The following ZNF549 variants were observed in gnomAD, a reference collection of about 807,000 sequenced individuals.
ZNF549 encodes the protein zinc finger protein 549.
ZNF549 carries 11 observed loss-of-function variants against 11.1 expected under a neutral mutation model. That is an observed-to-expected ratio of 0.99 (90% confidence interval 0.62 to 1.64). ZNF549 has a LOEUF of 1.64. ZNF549 is among the 40% of genes most tolerant of loss of function. The pLI is 0.00. For missense variants in ZNF549, 748 were observed against 765.1 expected, an observed-to-expected ratio of 0.98 and a Z score of 0.26; for synonymous variants, 266 against 269.1, an observed-to-expected ratio of 0.99 and a Z score of 0.11.
chr19:57,532,745 CA>C (rs1046246470), intron 2 of ZNF549, among the ~76,000 whole-genome samples: 1 of 152,078 alleles, frequency 6.6e-6, no homozygotes, highest in African/African-American at 2.4e-5. Context: ...TGATTATGTC[CA>C]GTTGATTGAT....
At chr19:57,528,884 T>G (rs1420081247) in intron 1 of ZNF549, among the ~76,000 whole-genome samples, 2 of 152,102 alleles carry the variant, frequency 1.3e-5, no homozygotes, top group Non-Finnish European at 2.9e-5. Flanking sequence ...TAAATGTTTG[T>G]TTTTTGTCAT....
At chr19:57,531,605 G>A (rs1434660447) in intron 2 of ZNF549, among the ~76,000 whole-genome samples, 2 of 152,120 alleles carry the variant, frequency 1.3e-5, no homozygotes, top group African/African-American at 4.8e-5. Context: ...ATATCTGAAT[G>A]GCTGGTATTA....
At chr19:57,531,852 G>A (rs1195574598) in intron 2 of ZNF549, among the ~76,000 whole-genome samples, 1 of 152,080 alleles carries the variant, frequency 6.6e-6, no homozygotes, top group African/African-American at 2.4e-5. Flanking sequence ...TAATTTTTGG[G>A]TTGTTTATTT....
In ZNF549 at chr19:57,529,736, A is replaced by G. The variant is rs148127707; in HGVS notation, c.34-1334A>G. 3.9e-3 allele frequency among the ~76,000 whole-genome samples: 592 copies of G among 152,134 alleles called. 10 individuals are homozygous for G. The highest frequency in any genetic ancestry group is 0.014 in the African/African-American group (574 of 41,514). ...CCCGTCTCTACTAAAAATACAAAAA[A>G]TTAGCCAGGTGTGGTAGTGGGCGCC... On this transcript the variant is annotated intron_variant, in intron 1 of 3. Coordinates refer to ENST00000376233, the MANE Select transcript of ZNF549 (RefSeq NM_001199295.2).
rs2123320898 is a variant in ZNF549, at chr19:57,539,603, T to A, written c.*676T>A. 6.6e-6 allele frequency: 1 copy of A among 152,312 alleles called. No individual in the cohort carries two copies. Among genetic ancestry groups the A allele is most frequent in the Admixed American group, 6.5e-5 (1 of 15,304 alleles). 9.4% of individuals were successfully genotyped at this position (152,312 alleles called of 1,614,324 possible). On this transcript the variant is annotated 3_prime_UTR_variant, in exon 4 of 4. Coordinates refer to ENST00000376233, the MANE Select transcript of ZNF549 (RefSeq NM_001199295.2). ...GAGCTGTGTGGTCCTAATCATGGTGTCGATGCCAGATTTATTTGTAGGTCC... is the reference window on the plus strand; with the variant it reads ...GAGCTGTGTGGTCCTAATCATGGTGACGATGCCAGATTTATTTGTAGGTCC...
Position 57,538,702 on chromosome 19 carries a change from T to C in ZNF549, c.1698T>C (p.Phe566=), listed in dbSNP as rs1484336525. The C allele has an allele frequency of 1.9e-6, 3 of 1,614,004 alleles. No homozygotes were observed. The South Asian group carries it at 3.3e-5, about 18-fold the overall frequency. The change falls in exon 4 of 4, where the codon TTT becomes TTC. Residue 566 remains phenylalanine, a synonymous_variant. Coordinates refer to ENST00000376233, the MANE Select transcript of ZNF549 (RefSeq NM_001199295.2). ...PCECSECGKC[F]RHRTSLIQHQ... is the part of the protein sequence containing the mutation. ...AGTGCAGTGAATGTGGGAAATGCTT[T>C]AGACACCGCACCAGCCTCATTCAAC...
intron 2 of ZNF549, among the ~76,000 whole-genome samples, chr19:57,533,767 G>A (rs1280189600): frequency 6.6e-6 from 1 of 152,192 alleles, no homozygotes; most frequent in African/African-American, 2.4e-5. Flanking sequence ...GTATGCCCTC[G>A]TTTGTCTCTC....
intron 1 of ZNF549, among the ~76,000 whole-genome samples, chr19:57,529,744 G>A (rs1411685677): frequency 6.6e-6 from 1 of 152,074 alleles, no homozygotes; most frequent in Non-Finnish European, 1.5e-5. Context: ...AAATTAGCCA[G>A]GTGTGGTAGT....
At chr19:57,530,555 A>T (rs1302905236) in intron 1 of ZNF549, among the ~76,000 whole-genome samples, 1 of 152,206 alleles carries the variant, frequency 6.6e-6, no homozygotes, top group Non-Finnish European at 1.5e-5. Flanking sequence ...AGTGGTCTGG[A>T]CATTGGCTTG....
Position 57,535,236 on chromosome 19 carries a change from G to A in ZNF549, c.165G>A (p.Val55=), listed in dbSNP as rs150638785. 9.9e-6 allele frequency: 16 copies of A among 1,614,006 alleles called. No individual in the cohort carries two copies. In the African/African-American group the frequency reaches 1.9e-4, roughly 19 times the overall value. Residue 55 remains valine (V), a synonymous_variant, in exon 3 of 4, where the codon GTG becomes GTA. Coordinates refer to ENST00000376233, the MANE Select transcript of ZNF549 (RefSeq NM_001199295.2). ...CTCAAAGGTGCCTGTATCATGATGT[G>A]ATGCTGGAGAACTTTTCGCTTATGG... is the stretch of plus-strand genomic sequence containing the variant. ...DEAQRCLYHD[V]MLENFSLMAS...
At chr19:57,533,033 C>T (rs1390570778) in intron 2 of ZNF549, among the ~76,000 whole-genome samples, 1 of 152,200 alleles carries the variant, frequency 6.6e-6, no homozygotes, top group Non-Finnish European at 1.5e-5. Flanking sequence ...TTAGTAGAGA[C>T]AGGGTTTCTG....
chr19:57,535,156 T>C lies in ZNF549; in HGVS notation c.85T>C (p.Phe29Leu). The change falls in exon 3 of 4, where the codon TTT (phenylalanine) becomes CTT (leucine). Residue 29 changes from phenylalanine (F) to leucine (L), a missense_variant. Phe to Leu is a conservative substitution (Grantham distance 22, BLOSUM62 0). Coordinates refer to ENST00000376233, the MANE Select transcript of ZNF549 (RefSeq NM_001199295.2). ...CCCCATCATGCAGGGCCATGTGACCTTTGAGGATATTGCTGTGTACTTCTC... is the reference window on the plus strand; with the variant it reads ...CCCCATCATGCAGGGCCATGTGACCCTTGAGGATATTGCTGTGTACTTCTC... Reference protein sequence around the residue: ...FVKPSQGHVTFEDIAVYFSQE... With the variant: ...FVKPSQGHVTLEDIAVYFSQE... 1 of 1,613,982 alleles carries C rather than the reference T, an allele frequency of 6.2e-7. No individual in the cohort carries two copies. Among genetic ancestry groups the C allele is most frequent in the Non-Finnish European group, 8.5e-7 (1 of 1,179,888 alleles).
rs1240184943 is a variant in ZNF549, at chr19:57,540,303, A to T, written c.*1376A>T. On this transcript the variant is annotated 3_prime_UTR_variant, in exon 4 of 4. Transcript: ENST00000376233. ...CTATAGTCTGGTTTTCCAAAAGGAG[A>T]GGTAGATGCATATTTTTGTGTGGAA... The T allele has an allele frequency of 6.6e-6, 1 of 152,212 alleles. No homozygotes were observed. Among genetic ancestry groups the T allele is most frequent in the Non-Finnish European group, 1.5e-5 (1 of 68,040 alleles). The allele number at this position is 152,212 out of a possible 1,614,324, so 9.4% of individuals were successfully genotyped here.
intron 1 of ZNF549, among the ~76,000 whole-genome samples, chr19:57,529,522 C>G (rs1434538445): frequency 6.6e-6 from 1 of 152,202 alleles, no homozygotes; most frequent in African/African-American, 2.4e-5. Context: ...AAATATCTTA[C>G]TGTACTATTC....
chr19:57,535,796 C>T (rs913701174), intron 3 of ZNF549, among the ~76,000 whole-genome samples: 1 of 152,126 alleles, frequency 6.6e-6, no homozygotes. Context: ...CTTAGGATTT[C>T]TTCTACCTTC....
chr19:57,530,307 G>A (rs2089898756), intron 1 of ZNF549, among the ~76,000 whole-genome samples: 1 of 152,212 alleles, frequency 6.6e-6, no homozygotes, highest in South Asian at 2.1e-4. Flanking sequence ...TGAACACTTG[G>A]AAGTGCTGGG....
Position 57,537,509 on chromosome 19 carries a change from C to T in ZNF549, c.505C>T (p.Leu169Phe). ...CAGAAAGGAGGAGAGCAGTGCCTTG[C>T]TTCTGAATAGCTGCAAAATTCCTCT... The part of the protein sequence containing the change: ...HIRKEESSAL[L>F]LNSCKIPLSD... The change falls in exon 4 of 4, where the codon CTT becomes TTT. Residue 169 changes from leucine (L) to phenylalanine (F), a missense_variant. Leu to Phe is a conservative substitution (Grantham distance 22). Coordinates refer to ENST00000376233, the MANE Select transcript of ZNF549 (RefSeq NM_001199295.2). 5.0e-6 allele frequency: 8 copies of T among 1,614,206 alleles called. No individual in the cohort carries two copies. The highest frequency in any genetic ancestry group is 2.2e-5 in the East Asian group (1 of 44,886).
In ZNF549 at chr19:57,537,488, A is replaced by G. The variant is rs1046408638; in HGVS notation, c.484A>G (p.Lys162Glu). 9 of 1,614,104 alleles carry G rather than the reference A, an allele frequency of 5.6e-6. No individual in the cohort carries two copies. The highest frequency in any genetic ancestry group is 7.6e-6 in the Non-Finnish European group (9 of 1,180,040). Residue 162 changes from lysine (K) to glutamate (E), a missense_variant, in exon 4 of 4, where the codon AAG (lysine) becomes GAG (glutamate). Lys to Glu is a moderately conservative substitution (Grantham distance 56). Transcript: ENST00000376233. The part of the protein sequence containing the change: ...NQDSGEKHIR[K>E]EESSALLLNS... The stretch of plus-strand genomic sequence containing the variant: ...GGACAGTGGAGAGAAACACATCAGA[A>G]AGGAGGAGAGCAGTGCCTTGCTTCT...
In ZNF549 at chr19:57,527,412, G is replaced by C. The variant is rs969661833; in HGVS notation, c.-162G>C. ...TGGGCGTTTCCGGCTCGCTGGGTCC[G>C]GGCCAGGTAACTGGAGCCGGAAACC... On this transcript the variant is annotated 5_prime_UTR_variant, in exon 1 of 4. Coordinates refer to ENST00000376233, the MANE Select transcript of ZNF549 (RefSeq NM_001199295.2). The C allele has an allele frequency of 2.3e-5, 24 of 1,040,924 alleles. No homozygotes were observed. The highest frequency in any genetic ancestry group is 3.1e-5 in the Non-Finnish European group (22 of 699,844). The allele number at this position is 1,040,924 out of a possible 1,614,324, so 64.5% of individuals were successfully genotyped here. A position where few individuals can be genotyped will look rare whatever the true frequency, so the allele number is the denominator to read the frequency against.
Sources: gnomAD v4.1 joint callset for allele counts (sites outside exome capture counted in the v4.1 genomes callset) on GRCh38, gnomAD v4.1.1 for gene constraint, MANE v1.5 for transcripts, NCBI Gene and HGNC (gene_info 2026-07-23, HGNC 2026-07-21) for gene names.